The following USP34 variants were observed in gnomAD, a reference collection of about 807,000 sequenced individuals.
USP34 encodes the protein ubiquitin carboxyl-terminal hydrolase 34.
USP34 carries 70 observed loss-of-function variants against 460.3 expected under a neutral mutation model. The ratio of observed to expected loss-of-function variants is 0.15; its 90% CI spans 0.13 to 0.19. USP34 has a LOEUF of 0.19. USP34 is among the 10% of genes least tolerant of loss of function. The pLI is 1.00. For synonymous variants in USP34, 1,647 were observed against 1,405.3 expected (o/e 1.17, Z -3.85); for missense variants, 3,985 against 4,236.2 (o/e 0.94, Z 1.65).
intron 1 of USP34, among the ~76,000 whole-genome samples, chr2:61,463,704 C>A (rs919264700): frequency 6.6e-6 from 1 of 151,796 alleles, no homozygotes; most frequent in African/African-American, 2.4e-5. Flanking sequence ...CATGGTGGTG[C>A]ATGCCTGTAA....
chr2:61,442,336 A>T (rs1278285893), intron 1 of USP34, among the ~76,000 whole-genome samples: 3 of 151,904 alleles, frequency 2.0e-5, no homozygotes, highest in African/African-American at 7.2e-5. Flanking sequence ...AATGAGACAA[A>T]CTATACGCAA....
At chr2:61,283,493 G>T in intron 35 of USP34, 44 bp from the exon 36 acceptor site, 2 of 1,569,560 alleles carry the variant, frequency 1.3e-6, no homozygotes, top group East Asian at 4.5e-5. Context: ...ATTCAGCAAT[G>T]AATTAAAAAT....
At position 61,326,867 on chromosome 2, in the gene USP34, T is replaced by C. The variant is rs530038225; in HGVS notation, c.2931-1410A>G. On this transcript the variant is annotated intron_variant, in intron 20 of 79. Coordinates refer to ENST00000398571, the MANE Select transcript of USP34 (RefSeq NM_014709.4). ...AGCGTGATCTCAGCTCACTGCAACC[T>C]CCGCCTCCTGGGTTCAAGCGATTCT... 3.8e-3 allele frequency among the ~76,000 whole-genome samples: 536 copies of C among 140,692 alleles called. 5 individuals carry two copies. The highest frequency in any genetic ancestry group is 0.013 in the African/African-American group (503 of 37,774). 92.3% of individuals were successfully genotyped at this position (140,692 alleles called of 152,430 possible). A position where few individuals can be genotyped will look rare whatever the true frequency, so the allele number is the denominator to read the frequency against.
rs748708387 is a variant in USP34, at chr2:61,222,678, G to A, written c.7750-15C>T. On this transcript the variant is annotated splice_polypyrimidine_tract_variant and intron_variant, in intron 64 of 79. Transcript: ENST00000398571. Reference sequence around the variant, plus strand: ...ATAGATACAATCTAAAACAGAAAGAGGAGGATTTCAGGATATTCTTGTTTT... The same window carrying A: ...ATAGATACAATCTAAAACAGAAAGAAGAGGATTTCAGGATATTCTTGTTTT... 1 of 1,609,346 alleles carries A rather than the reference G, an allele frequency of 6.2e-7. No homozygotes were observed.
intron 75 of USP34, among the ~76,000 whole-genome samples, chr2:61,193,848 T>C (rs1002672427): frequency 6.6e-6 from 1 of 152,246 alleles, no homozygotes; most frequent in Non-Finnish European, 1.5e-5. Flanking sequence ...TGAGGCTTTG[T>C]GGCCATGCTC....
chr2:61,441,435 G>C (rs999828126), intron 1 of USP34, among the ~76,000 whole-genome samples: 2 of 152,098 alleles, frequency 1.3e-5, no homozygotes, highest in African/African-American at 4.8e-5. Context: ...TCCTGAAAAG[G>C]TGGCTGCAGA....
intron 3 of USP34, among the ~76,000 whole-genome samples, chr2:61,398,983 A>G (rs1185674678): frequency 2.0e-5 from 3 of 152,186 alleles, no homozygotes; most frequent in African/African-American, 7.2e-5. Context: ...GTATTGTTAA[A>G]TACAGAATCA....
At chr2:61,199,352 C>T (rs1346719513) in intron 75 of USP34, among the ~76,000 whole-genome samples, 1 of 152,032 alleles carries the variant, frequency 6.6e-6, no homozygotes, top group Non-Finnish European at 1.5e-5. Flanking sequence ...GCCTCCCAGG[C>T]TCAAGCGATT....
intron 67 of USP34, among the ~76,000 whole-genome samples, chr2:61,216,639 C>T (rs1687404909): frequency 6.6e-6 from 1 of 151,728 alleles, no homozygotes; most frequent in South Asian, 2.1e-4. Flanking sequence ...AACCATTTGG[C>T]TGGGTACGGT....
At chr2:61,337,213 G>A (rs185264347) in intron 18 of USP34, among the ~76,000 whole-genome samples, 13 of 152,106 alleles carry the variant, frequency 8.5e-5, no homozygotes, top group South Asian at 2.1e-4. Flanking sequence ...CTAAATACAA[G>A]AACTCACCTG....
chr2:61,311,481 A>AAAAAAAAGAGAAAGAGC, intron 27 of USP34, 59 bp downstream of exon 27: 1 of 1,505,954 alleles, frequency 6.6e-7, no homozygotes, highest in East Asian at 2.3e-5. Context: ...AGAGAAAGAG[A>AAAAAAAAGAGAAAGAGC]AAGAGAAAAA....
intron 67 of USP34, 62 bp from the exon 68 acceptor site, chr2:61,214,756 T>G (rs1327723945): frequency 5.2e-6 from 8 of 1,541,910 alleles, no homozygotes; most frequent in Non-Finnish European, 7.0e-6. Context: ...TGAACAGCAG[T>G]CATTAATCAC....
At chr2:61,203,470 C>T (rs988162221) in intron 74 of USP34, among the ~76,000 whole-genome samples, 1 of 152,010 alleles carries the variant, frequency 6.6e-6, no homozygotes, top group East Asian at 1.9e-4. Context: ...ATTAAAATTA[C>T]CCATTATTTC....
At chr2:61,420,720 T>C (rs780879977) in intron 2 of USP34, 26 bp downstream of exon 2, 3 of 1,533,138 alleles carry the variant, frequency 2.0e-6, no homozygotes, top group Non-Finnish European at 2.6e-6. Context: ...CAAAAATTAG[T>C]CTTCGAAATA....
chr2:61,246,952 G>T (rs1688432436), intron 49 of USP34, among the ~76,000 whole-genome samples: 1 of 152,040 alleles, frequency 6.6e-6, no homozygotes, highest in African/African-American at 2.4e-5. Context: ...TTATTCTCAT[G>T]TTAAGAAAAG....
At chr2:61,373,857 A>G (rs556433517) in intron 8 of USP34, among the ~76,000 whole-genome samples, 1 of 152,300 alleles carries the variant, frequency 6.6e-6, no homozygotes, top group South Asian at 2.1e-4. Context: ...CTATTTTACA[A>G]AAGAGAAAAT....
At chr2:61,443,033 A>C (rs1208670775) in intron 1 of USP34, among the ~76,000 whole-genome samples, 2 of 148,772 alleles carry the variant, frequency 1.3e-5, no homozygotes, top group Non-Finnish European at 3.0e-5. Context: ...ATAAGCCAGG[A>C]GCAGAAAGTT....
At chr2:61,453,968 TA>T (rs2104075210) in intron 1 of USP34, among the ~76,000 whole-genome samples, 1 of 152,124 alleles carries the variant, frequency 6.6e-6, no homozygotes, top group East Asian at 1.9e-4. Context: ...ATGAGCATTT[TA>T]TAAGAAAATG....
intron 48 of USP34, 96 bp from the exon 49 acceptor site, chr2:61,248,779 C>G (rs1688490750): frequency 8.3e-7 from 1 of 1,211,636 alleles, no homozygotes; most frequent in South Asian, 1.8e-5. Flanking sequence ...ATTTTCAACT[C>G]AGAGTTAAGA....
Sources: gnomAD v4.1 joint callset for allele counts (sites outside exome capture counted in the v4.1 genomes callset) on GRCh38, gnomAD v4.1.1 for gene constraint, MANE v1.5 for transcripts, NCBI Gene and HGNC (gene_info 2026-07-23, HGNC 2026-07-21) for gene names.